The following ANO2 variants were observed in gnomAD, a reference collection of about 807,000 sequenced individuals.
The protein encoded by ANO2 is anoctamin 2, also known as anoctamin-2.
ANO2 carries 101 observed loss-of-function variants against 124.2 expected under a neutral mutation model. The ratio of observed to expected loss-of-function variants is 0.81; its 90% confidence interval spans 0.69 to 0.96. The LOEUF is 0.96. ANO2 is among the 40% of genes least tolerant of loss of function. The pLI is 0.00. For synonymous variants in ANO2, 486 were observed against 482.5 expected, an observed-to-expected ratio of 1.01 and a Z score of -0.09; for missense variants, 1,293 against 1,274.5, an observed-to-expected ratio of 1.01 and a Z score of -0.22.
intron 3 of ANO2, among the ~76,000 whole-genome samples, chr12:5,860,603 C>T (rs990158853): frequency 3.3e-4 from 50 of 152,198 alleles, no homozygotes; most frequent in Non-Finnish European, 2.2e-4. Context: ...GAATTTAAAT[C>T]TAATTCAGTT....
intron 3 of ANO2, 69 bp from the exon 4 acceptor site, chr12:5,854,210 A>G: frequency 7.2e-7 from 1 of 1,397,154 alleles, no homozygotes; most frequent in Non-Finnish European, 1.0e-6. Context: ...TGGTTCTTCA[A>G]CTGTTCCACA....
intron 14 of ANO2, among the ~76,000 whole-genome samples, chr12:5,717,414 A>T (rs917094803): frequency 6.6e-6 from 1 of 152,280 alleles, no homozygotes; most frequent in East Asian, 1.9e-4. Context: ...ACCCCAAGGG[A>T]GTTGGTTTTG....
chr12:5,757,604 C>T (rs1334452822), intron 10 of ANO2, among the ~76,000 whole-genome samples: 1 of 152,206 alleles, frequency 6.6e-6, no homozygotes, highest in Non-Finnish European at 1.5e-5. Flanking sequence ...ACAGGTTCTG[C>T]TTCCACTTAT....
intron 3 of ANO2, among the ~76,000 whole-genome samples, chr12:5,915,053 G>A (rs1039579615): frequency 2.6e-5 from 4 of 152,152 alleles, no homozygotes; most frequent in South Asian, 2.1e-4. Context: ...CTCTCTGGAC[G>A]CTCAAGGCTG....
At chr12:5,867,137 G>A (rs114721701) in intron 3 of ANO2, among the ~76,000 whole-genome samples, 362 of 152,264 alleles carry the variant, frequency 2.4e-3, no homozygotes, top group African/African-American at 8.1e-3. Flanking sequence ...TCATAGCAGA[G>A]ATCTTACACA....
In ANO2 at chr12:5,745,836, T is replaced by G. The variant is rs554754198; in HGVS notation, c.1191-1519A>C. Among the ~76,000 whole-genome samples, 3 of 152,314 alleles carry G rather than the reference T, an allele frequency of 2.0e-5. No homozygotes were observed. The South Asian group carries it at 6.2e-4, about 32-fold the overall frequency. On this transcript the variant is annotated intron_variant, in intron 11 of 24. Coordinates refer to ENST00000682330, the MANE Select transcript of ANO2 (RefSeq NM_001364791.2). ...CATATCTTAATAATACATTCAGCTG[T>G]GCTAGTTTCACCTGGGCATGTTCTG...
intron 3 of ANO2, among the ~76,000 whole-genome samples, chr12:5,895,039 T>C (rs1939677239): frequency 6.6e-6 from 1 of 152,200 alleles, no homozygotes; most frequent in Non-Finnish European, 1.5e-5. Context: ...AGGTCAATGG[T>C]AGCTTAATGG....
At position 5,572,063 on chromosome 12, in the gene ANO2, T is replaced by C. The variant is rs556866290; in HGVS notation, c.2621+3771A>G. On this transcript the variant is annotated intron_variant, in intron 23 of 24. Coordinates refer to ENST00000682330, the MANE Select transcript of ANO2 (RefSeq NM_001364791.2). ...GTGTAACCCAATAGTCTTCACACTGTAGGCAGAGATGTAACACCAATAAAA... is the reference window on the plus strand; with the variant it reads ...GTGTAACCCAATAGTCTTCACACTGCAGGCAGAGATGTAACACCAATAAAA... Among the ~76,000 whole-genome samples the C allele has an allele frequency of 1.1e-4, 16 of 152,298 alleles. No individual in the cohort carries two copies. In the South Asian group the frequency reaches 3.1e-3, roughly 30 times the overall value.
At chr12:5,934,409 A>G (rs1229931183) in intron 1 of ANO2, among the ~76,000 whole-genome samples, 1 of 152,258 alleles carries the variant, frequency 6.6e-6, no homozygotes, top group Non-Finnish European at 1.5e-5. Flanking sequence ...GTCAATGATC[A>G]GACCCAAGAT....
chr12:5,778,840 G>C (rs1425149799), intron 10 of ANO2, among the ~76,000 whole-genome samples: 1 of 152,200 alleles, frequency 6.6e-6, no homozygotes, highest in Non-Finnish European at 1.5e-5. Flanking sequence ...TAAATTTAAA[G>C]GCTTATAGAA....
intron 14 of ANO2, among the ~76,000 whole-genome samples, chr12:5,656,810 G>A (rs1211259570): frequency 6.6e-6 from 1 of 152,222 alleles, no homozygotes. Context: ...CTCTATGTAA[G>A]GAGGCATGCA....
At chr12:5,622,986 G>A (rs906414619) in intron 16 of ANO2, among the ~76,000 whole-genome samples, 5 of 149,232 alleles carry the variant, frequency 3.4e-5, no homozygotes, top group African/African-American at 7.5e-5. Context: ...AAAAAGAAAC[G>A]AAAAGAAAGG....
chr12:5,737,766 C>T (rs1266271836), intron 13 of ANO2, among the ~76,000 whole-genome samples: 3 of 152,164 alleles, frequency 2.0e-5, no homozygotes, highest in East Asian at 1.9e-4. Flanking sequence ...AGATCACCCA[C>T]ATTCAAACTT....
chr12:5,611,844 C>T (rs530492491), intron 19 of ANO2, among the ~76,000 whole-genome samples: 1 of 152,246 alleles, frequency 6.6e-6, no homozygotes, highest in South Asian at 2.1e-4. Context: ...TTTCGAAGAA[C>T]CCTGGGCCTG....
intron 15 of ANO2, among the ~76,000 whole-genome samples, chr12:5,639,200 A>ACCTCTGCTGATC (rs1451908522): frequency 6.6e-6 from 1 of 152,162 alleles, no homozygotes; most frequent in East Asian, 1.9e-4. Flanking sequence ...GGCACAAGTA[A>ACCTCTGCTGATC]CCTCTGCTGA....
At chr12:5,705,437 C>T (rs1949571481) in intron 14 of ANO2, among the ~76,000 whole-genome samples, 1 of 152,228 alleles carries the variant, frequency 6.6e-6, no homozygotes, top group African/African-American at 2.4e-5. Flanking sequence ...ATCACAGGTA[C>T]ACTTCCCCTC....
At chr12:5,857,555 A>G (rs191362660) in intron 3 of ANO2, among the ~76,000 whole-genome samples, 10 of 152,110 alleles carry the variant, frequency 6.6e-5, no homozygotes, top group African/African-American at 2.4e-4. Context: ...TCTTTTTTAT[A>G]ATAGCCATTC....
chr12:5,745,863 T>C (rs536029675), intron 11 of ANO2, among the ~76,000 whole-genome samples: 15 of 152,240 alleles, frequency 9.9e-5, no homozygotes, highest in Admixed American at 3.9e-4. Context: ...CATGTTCTGC[T>C]GGGTGACTAG....
intron 1 of ANO2, among the ~76,000 whole-genome samples, chr12:5,939,359 A>G (rs1942802961): frequency 6.6e-6 from 1 of 152,196 alleles, no homozygotes; most frequent in Non-Finnish European, 1.5e-5. Flanking sequence ...CAACATTTCA[A>G]TTTGAGCACC....
Sources: gnomAD v4.1 joint callset for allele counts (sites outside exome capture counted in the v4.1 genomes callset) on GRCh38, gnomAD v4.1.1 for gene constraint, MANE v1.5 for transcripts, NCBI Gene and HGNC (gene_info 2026-07-23, HGNC 2026-07-21) for gene names.